Variants in ADGRE2 observed in about 807,000 individuals in gnomAD.
ADGRE2 encodes CD97 antigen.
A neutral mutation model predicts 100.8 loss-of-function variants in ADGRE2; 83 were observed. The ratio of observed to expected loss-of-function variants is 0.82; its 90% CI spans 0.69 to 0.99. The LOEUF (loss-of-function observed/expected upper bound fraction) is 0.99, where lower values mean the gene tolerates loss of function less well. ADGRE2 is among the 50% of genes least tolerant of loss of function. The pLI is 0.00. For synonymous variants in ADGRE2, 355 were observed against 413.0 expected (o/e 0.86, Z 1.70); for missense variants, 814 against 1,035.7 (o/e 0.79, Z 2.94).
chr19:14,754,918 A>G, intron 14 of ADGRE2, 36 bp downstream of exon 14: 1 of 1,596,632 alleles, frequency 6.3e-7, no homozygotes, highest in Non-Finnish European at 8.6e-7. Flanking sequence ...TTACACGGCA[A>G]TAAATGCAGA....
intron 11 of ADGRE2, among the ~76,000 whole-genome samples, chr19:14,762,052 T>C (rs1156336205): frequency 1.1e-4 from 17 of 152,154 alleles, no homozygotes; most frequent in Admixed American, 1.1e-3. Flanking sequence ...GCAATGAACC[T>C]CAGGTATTAC....
intron 16 of ADGRE2, among the ~76,000 whole-genome samples, chr19:14,748,720 G>A (rs1000988457): frequency 6.6e-6 from 1 of 152,092 alleles, no homozygotes; most frequent in Non-Finnish European, 1.5e-5. Context: ...AACTTTTGGA[G>A]GATTAGTGTT....
At chr19:14,764,089 G>A (rs1183444286) in intron 11 of ADGRE2, among the ~76,000 whole-genome samples, 1 of 150,712 alleles carries the variant, frequency 6.6e-6, no homozygotes, top group South Asian at 2.1e-4. Flanking sequence ...TTGAGATGGG[G>A]TCTTGCCCTG....
rs60789454 is a variant in ADGRE2 at position 14,759,503 on chromosome 19, A to ATATATAT, written c.1085-3159_1085-3158insATATATA. Among the ~76,000 whole-genome samples, 1,256 of 133,350 alleles carry ATATATAT rather than the reference A, an allele frequency of 9.4e-3. 7 individuals carry two copies. Among genetic ancestry groups the ATATATAT allele is most frequent in the Middle Eastern group, 0.015 (4 of 272 alleles). The allele number at this position is 133,350 out of a possible 152,430, so 87.5% of individuals were successfully genotyped here. A position where few individuals can be genotyped will look rare whatever the true frequency, so the allele number is the denominator to read the frequency against. On this transcript the variant is annotated intron_variant, in intron 11 of 20. Coordinates refer to ENST00000315576, the MANE Select transcript of ADGRE2 (RefSeq NM_013447.4). ...ATAAGTTATACATATATATATATATATTTTTTTTTTTTAGACGGAGTCTCA... is the reference window on the plus strand; with the variant it reads ...ATAAGTTATACATATATATATATATATATATATTTTTTTTTTTTTAGACGGAGTCTCA...
intron 11 of ADGRE2, 86 bp downstream of exon 11, chr19:14,764,347 G>A: frequency 1.6e-6 from 2 of 1,226,358 alleles, no homozygotes; most frequent in Non-Finnish European, 2.4e-6. Flanking sequence ...ATATACAGGT[G>A]TGGTCACTTG....
At chr19:14,728,476 G>T (rs559679826), downstream of ADGRE2, among the ~76,000 whole-genome samples, 87 of 152,228 alleles carry the variant, frequency 5.7e-4, no homozygotes, top group Middle Eastern at 0.01. Context: ...ATGTTATCTT[G>T]CTAGGATATG....
chr19:14,746,351 A>G, intron 17 of ADGRE2, 28 bp from the exon 18 acceptor site: 5 of 1,313,112 alleles, frequency 3.8e-6, no homozygotes, highest in East Asian at 2.3e-5. Context: ...AGATTTGTTG[A>G]ATAGATTTTG....
At chr19:14,775,600 T>C (rs918096823) in intron 2 of ADGRE2, among the ~76,000 whole-genome samples, 6 of 152,096 alleles carry the variant, frequency 3.9e-5, no homozygotes, top group African/African-American at 1.4e-4. Flanking sequence ...GGCTCGGGAC[T>C]GTAATCCCAG....
At chr19:14,767,279 C>T (rs2044024961) in intron 5 of ADGRE2, among the ~76,000 whole-genome samples, 170 bp from the exon 6 acceptor site, 1 of 151,260 alleles carries the variant, frequency 6.6e-6, no homozygotes, top group African/African-American at 2.4e-5. Flanking sequence ...TGCTCTGTCA[C>T]CCAGGCTGGA....
intron 16 of ADGRE2, 51 bp from the exon 17 acceptor site, chr19:14,747,013 C>G (rs749260103): frequency 6.8e-6 from 10 of 1,462,162 alleles, no homozygotes; most frequent in Non-Finnish European, 8.5e-6. Flanking sequence ...AGATATGGAA[C>G]AGTTATGTAA....
intron 16 of ADGRE2, among the ~76,000 whole-genome samples, chr19:14,748,007 C>T (rs891430049): frequency 2.0e-5 from 3 of 152,058 alleles, no homozygotes; most frequent in African/African-American, 7.2e-5. Context: ...TTCAGAGGTA[C>T]ATTTTGTAGG....
intron 1 of ADGRE2, among the ~76,000 whole-genome samples, chr19:14,777,639 C>A (rs1323006453): frequency 6.8e-6 from 1 of 147,602 alleles, no homozygotes; most frequent in Non-Finnish European, 1.5e-5. Context: ...TGCAATCCCT[C>A]CCCCAGGCCC....
In ADGRE2 at chr19:14,741,948, A is replaced by G. The variant is rs1023190304; in HGVS notation, c.2463+1472T>C. ...AATAAATGTTGGTTATTAGTCATCA[A>G]TGTCATGAATTATCCCATGCCATTG... is the stretch of plus-strand genomic sequence containing the variant. On this transcript the variant is annotated intron_variant, in intron 20 of 20. Coordinates refer to ENST00000315576, the MANE Select transcript of ADGRE2 (RefSeq NM_013447.4). 4.8e-5 allele frequency: 19 copies of G among 398,542 alleles called. No homozygotes were observed. The South Asian group carries it at 1.8e-3, about 37-fold the overall frequency. 24.7% of individuals were successfully genotyped at this position (398,542 alleles called of 1,614,324 possible).
Position 14,776,553 on chromosome 19 carries a change from C to T in ADGRE2, c.31+173G>A, listed in dbSNP as rs1208458335. 4.0e-6 allele frequency: 3 copies of T among 749,490 alleles called. No homozygotes were observed. In the African/African-American group the frequency reaches 5.3e-5, roughly 13 times the overall value. 46.4% of individuals were successfully genotyped at this position (749,490 alleles called of 1,614,324 possible). A position where few individuals can be genotyped will look rare whatever the true frequency, so the allele number is the denominator to read the frequency against. On this transcript the variant is annotated intron_variant, in intron 2 of 20. Coordinates refer to ENST00000315576, the MANE Select transcript of ADGRE2 (RefSeq NM_013447.4). ...GTTCCTGCCGGGGTGTGGGGGTGCC[C>T]AAGCACCACCAGCCCCTCTCGCCGT...
At chr19:14,731,463 C>T, downstream of ADGRE2, 1 of 478,182 alleles carries the variant, frequency 2.1e-6, no homozygotes, top group Non-Finnish European at 3.7e-6. Flanking sequence ...GTTTCCCCAG[C>T]CGTGCAATGA....
chr19:14,735,932 C>A lies in ADGRE2; in HGVS notation c.*304G>T. 1 of 233,058 alleles carries A rather than the reference C, an allele frequency of 4.3e-6. No individual in the cohort carries two copies. Among genetic ancestry groups the A allele is most frequent in the Non-Finnish European group, 8.4e-6 (1 of 119,214 alleles). 14.4% of individuals were successfully genotyped at this position (233,058 alleles called of 1,614,324 possible). A position where few individuals can be genotyped will look rare whatever the true frequency, so the allele number is the denominator to read the frequency against. ...GAGGAGTCTTTGTAGGAAGGAGAGG[C>A]TGTGAAAGAGGTCTTAACGTTCTAT... is the stretch of plus-strand genomic sequence containing the variant. On this transcript the variant is annotated 3_prime_UTR_variant, in exon 21 of 21. Transcript: ENST00000315576.
intron 20 of ADGRE2, 32 bp from the exon 21 acceptor site, chr19:14,736,276 G>A (rs1442783136): frequency 4.2e-6 from 6 of 1,438,448 alleles, no homozygotes; most frequent in Non-Finnish European, 5.8e-6. Flanking sequence ...GTATTTTGTT[G>A]TTGAGACAGA....
At chr19:14,757,953 G>A (rs1403420405) in intron 11 of ADGRE2, among the ~76,000 whole-genome samples, 2 of 152,170 alleles carry the variant, frequency 1.3e-5, no homozygotes, top group Non-Finnish European at 2.9e-5. Flanking sequence ...ACAGTCATGT[G>A]CCAACACATC....
At position 14,751,571 on chromosome 19, in the gene ADGRE2, T is replaced by C. The variant is rs1375059898; in HGVS notation, c.1889A>G (p.Asn630Ser). The change falls in exon 16 of 21, where the codon AAC (asparagine) becomes AGC (serine). Residue 630 changes from asparagine to serine, a missense_variant. Physicochemically the swap from Asn to Ser is conservative, Grantham distance 46 (BLOSUM62 1). Around this residue, in one of 5 missense-constraint regions of ADGRE2, gnomAD observed 569 missense variants for 692.7 expected, o/e 0.82. Transcript: ENST00000315576. ...GCTTGAGTAGTTGACCACCGTCAGG[T>C]TCCGTGCAGTGAGGAAGAGGTACAG... is the stretch of plus-strand genomic sequence containing the variant. Reference protein sequence around the residue: ...EALYLFLTARNLTVVNYSSIN... With the variant: ...EALYLFLTARSLTVVNYSSIN... The C allele has an allele frequency of 6.2e-7, 1 of 1,613,980 alleles. No individual in the cohort carries two copies. Among genetic ancestry groups the C allele is most frequent in the South Asian group, 1.1e-5 (1 of 91,062 alleles).
Sources: gnomAD v4.1 joint callset for allele counts (sites outside exome capture counted in the v4.1 genomes callset) on GRCh38, gnomAD v4.1.1 for gene constraint, gnomAD v4.1.1 regional missense constraint, MANE v1.5 for transcripts, NCBI Gene and HGNC (gene_info 2026-07-23, HGNC 2026-07-21) for gene names.